ARFGEF3: variants seen among roughly 807,000 people sequenced by gnomAD.
ARFGEF3 encodes brefeldin A-inhibited guanine nucleotide-exchange protein 3.
Under a neutral mutation model 221.7 loss-of-function variants are expected in ARFGEF3, and 96 were observed. The ratio of observed to expected loss-of-function variants is 0.43; its 90% confidence interval spans 0.37 to 0.51. The LOEUF (loss-of-function observed/expected upper bound fraction) is 0.51. ARFGEF3 is among the 20% of genes least tolerant of loss of function. The pLI is 0.00. For synonymous variants in ARFGEF3, 1,145 were observed against 1,126.8 expected (o/e 1.02, Z -0.32); for missense variants, 2,410 against 2,789.9 (o/e 0.86, Z 3.07).
intron 12 of ARFGEF3, among the ~76,000 whole-genome samples, chr6:138,277,826 C>T (rs993588584): frequency 2.6e-5 from 4 of 152,058 alleles, no homozygotes; most frequent in Non-Finnish European, 4.4e-5. Flanking sequence ...TTTTAAAAGC[C>T]GGGTAAGCGG....
rs1778818491 is a variant in ARFGEF3 at position 138,262,864 on chromosome 6, C to G, written c.1381C>G (p.Leu461Val). Residue 461 changes from leucine to valine, a missense_variant, in exon 12 of 34, where the codon CTG becomes GTG. Physicochemically the swap from Leu to Val is conservative, Grantham distance 32 (BLOSUM62 1). Transcript: ENST00000251691. ...ACTGCTGCTTCTGCGCCTTGAGGAG[C>G]TGAAGGATGGGGCTGAGTGGAGCCG... ...VQLLLLRLEELKDGAEWSRDS... is the reference protein window; with the variant it reads ...VQLLLLRLEEVKDGAEWSRDS... 6.2e-7 allele frequency: 1 copy of G among 1,613,980 alleles called. No homozygotes were observed. The highest frequency in any genetic ancestry group is 8.5e-7 in the Non-Finnish European group (1 of 1,179,870).
intron 10 of ARFGEF3, 23 bp downstream of exon 10, chr6:138,255,792 C>T: frequency 6.7e-7 from 1 of 1,488,438 alleles, no homozygotes; most frequent in African/African-American, 1.4e-5. Flanking sequence ...TGGAGATCGC[C>T]ACCAGGTTTA....
rs978668927 is a variant in ARFGEF3, at chr6:138,162,400, G to T, written c.85+229G>T. Among the ~76,000 whole-genome samples, 1 of 152,180 alleles carries T rather than the reference G, an allele frequency of 6.6e-6. No homozygotes were observed. Among genetic ancestry groups the T allele is most frequent in the Non-Finnish European group, 1.5e-5 (1 of 68,028 alleles). The stretch of plus-strand genomic sequence containing the variant: ...CTCTCCGAAACCTTCCTCGGGAACC[G>T]CTGTCCTCCCTGCCTGGCGGCCCCC... On this transcript the variant is annotated intron_variant, in intron 1 of 33. Transcript: ENST00000251691. This position sits in a 1 kb window ranked among gnomAD's most constrained non-coding sequence, Gnocchi z 4.7.
chr6:138,305,438 C>CA (rs942423047), intron 22 of ARFGEF3, among the ~76,000 whole-genome samples: 11 of 150,020 alleles, frequency 7.3e-5, no homozygotes, highest in Admixed American at 3.3e-4. Context: ...CCCATCTCTA[C>CA]AAAAAAAAAG....
intron 1 of ARFGEF3, among the ~76,000 whole-genome samples, chr6:138,167,611 C>T (rs115456588): frequency 0.015 from 2,339 of 152,226 alleles, 61 homozygotes; most frequent in African/African-American, 0.054. Context: ...TTACCTAGTC[C>T]GTCACCCAAG....
chr6:138,224,519 A>G (rs1745074796), intron 4 of ARFGEF3, among the ~76,000 whole-genome samples: 1 of 152,208 alleles, frequency 6.6e-6, no homozygotes, highest in African/African-American at 2.4e-5. Context: ...CTGTTTTACT[A>G]CATTGTCTAC....
chr6:138,244,471 G>A (rs77024502), intron 7 of ARFGEF3, among the ~76,000 whole-genome samples: 1 of 152,166 alleles, frequency 6.6e-6, no homozygotes, highest in South Asian at 2.1e-4. Context: ...ATTTTTGCCA[G>A]AAGAAAAACT....
chr6:138,234,897 G>T (rs1337594431), intron 5 of ARFGEF3, among the ~76,000 whole-genome samples: 1 of 152,160 alleles, frequency 6.6e-6, no homozygotes, highest in African/African-American at 2.4e-5. Flanking sequence ...AGATGGGAAA[G>T]AGAAGGTAAT....
chr6:138,336,683 CACAA>C lies in ARFGEF3; in HGVS notation c.*200_*203del. On this transcript the variant is annotated 3_prime_UTR_variant, in exon 34 of 34. Transcript: ENST00000251691. ...CATACTAAGGTTTGTATCTAGATGA[CACAA>C]ACGATATTCTGATTTTGCACATTAT... The C allele has an allele frequency of 2.4e-6, 1 of 411,274 alleles. No homozygotes were observed. Among genetic ancestry groups the C allele is most frequent in the Non-Finnish European group, 4.3e-6 (1 of 233,456 alleles). The allele number at this position is 411,274 out of a possible 1,614,324, so 25.5% of individuals were successfully genotyped here.
chr6:138,170,717 G>A lies in ARFGEF3; in HGVS notation c.137+4G>A, dbSNP rs74590195. ...AGATCCCTCCACATGTACTGAGGTA[G>A]GAGATGGACATTGTATAATATCACA... On this transcript the variant is annotated splice_donor_region_variant and intron_variant, in intron 2 of 33. Coordinates refer to ENST00000251691, the MANE Select transcript of ARFGEF3 (RefSeq NM_020340.5). The A allele has an allele frequency of 0.017, 25,985 of 1,540,840 alleles. 310 individuals are homozygous for A. The highest frequency in any genetic ancestry group is 0.052 in the African/African-American group (3,792 of 73,282).
intron 33 of ARFGEF3, 110 bp from the exon 34 acceptor site, chr6:138,336,185 T>C (rs890166333): frequency 2.6e-6 from 2 of 757,880 alleles, no homozygotes; most frequent in African/African-American, 3.6e-5. Context: ...ACTAATTTAT[T>C]GCAACTAAAG....
chr6:138,199,772 C>T (rs1777499201), intron 2 of ARFGEF3, among the ~76,000 whole-genome samples: 1 of 152,180 alleles, frequency 6.6e-6, no homozygotes. Flanking sequence ...TAGGAGCTTT[C>T]TGGAGGAGTC....
intron 19 of ARFGEF3, among the ~76,000 whole-genome samples, chr6:138,293,593 A>G (rs1340551491): frequency 6.6e-6 from 1 of 152,186 alleles, no homozygotes; most frequent in Admixed American, 6.5e-5. Flanking sequence ...ATTATAGACA[A>G]ACAAAACCTT....
chr6:138,234,203 C>T (rs1019118852), intron 5 of ARFGEF3, among the ~76,000 whole-genome samples: 1 of 152,140 alleles, frequency 6.6e-6, no homozygotes, highest in African/African-American at 2.4e-5. Context: ...CTCAGCCAAC[C>T]TTCTGTAGAC....
intron 23 of ARFGEF3, among the ~76,000 whole-genome samples, chr6:138,308,439 A>C (rs1162555555): frequency 1.3e-5 from 2 of 152,200 alleles, no homozygotes; most frequent in African/African-American, 4.8e-5. Context: ...GATAATCTAC[A>C]AATACCTGTG....
intron 24 of ARFGEF3, 80 bp from the exon 25 acceptor site, chr6:138,311,327 A>G: frequency 2.5e-6 from 2 of 791,852 alleles, no homozygotes; most frequent in Non-Finnish European, 2.1e-6. Flanking sequence ...TACTAGTGCT[A>G]TGTGAGTAAA....
chr6:138,161,980 C>T lies in ARFGEF3; in HGVS notation c.-107C>T, dbSNP rs903982515. The T allele has an allele frequency of 3.1e-5, 15 of 477,516 alleles. No homozygotes were observed. The highest frequency in any genetic ancestry group is 1.4e-3 in the Middle Eastern group (2 of 1,428). The allele number at this position is 477,516 out of a possible 1,614,324, so 29.6% of individuals were successfully genotyped here. A position where few individuals can be genotyped will look rare whatever the true frequency, so the allele number is the denominator to read the frequency against. ...CGCGCCGGGGCGGCATGGGGGCGCG[C>T]GCGGCGGCCGCCTAGGCGCCCAGGG... On this transcript the variant is annotated 5_prime_UTR_variant, in exon 1 of 34. Coordinates refer to ENST00000251691, the MANE Select transcript of ARFGEF3 (RefSeq NM_020340.5).
At chr6:138,326,763 T>C (rs1780133321) in intron 31 of ARFGEF3, among the ~76,000 whole-genome samples, 1 of 152,240 alleles carries the variant, frequency 6.6e-6, no homozygotes, top group Non-Finnish European at 1.5e-5. Context: ...TTACTGGGCA[T>C]ATACCCAAAG....
At chr6:138,193,424 G>C (rs1324563186) in intron 2 of ARFGEF3, among the ~76,000 whole-genome samples, 10 of 152,144 alleles carry the variant, frequency 6.6e-5, no homozygotes. Context: ...TCACATGTCT[G>C]TTACTTCCTC....
Sources: gnomAD v4.1 joint callset for allele counts (sites outside exome capture counted in the v4.1 genomes callset) on GRCh38, gnomAD v4.1.1 for gene constraint, Gnocchi (gnomAD v3.1) non-coding constraint, MANE v1.5 for transcripts, NCBI Gene and HGNC (gene_info 2026-07-23, HGNC 2026-07-21) for gene names.